RBFOX1: variants seen among roughly 807,000 people sequenced by gnomAD.
RBFOX1 encodes RNA binding protein fox-1 homolog 1.
A neutral mutation model predicts 57.7 loss-of-function variants in RBFOX1; 8 were observed. The observed-to-expected ratio is 0.14, with a 90% CI of 0.08 to 0.25. The LOEUF is 0.25. RBFOX1 is among the 10% of genes least tolerant of loss of function. The pLI is 1.00. For missense variants in RBFOX1, 611 were observed against 548.5 expected (o/e 1.11, Z -1.14); for synonymous variants, 326 against 222.4 (o/e 1.47, Z -4.15).
intron 2 of RBFOX1, among the ~76,000 whole-genome samples, chr16:6,552,046 C>T (rs957917931): frequency 6.6e-6 from 1 of 152,184 alleles, no homozygotes; most frequent in Admixed American, 6.5e-5. Flanking sequence ...AATTTCCATG[C>T]CTCCCACCTT....
At chr16:5,901,720 C>A (rs142519190) in intron 4 of RBFOX1, among the ~76,000 whole-genome samples, 1 of 152,180 alleles carries the variant, frequency 6.6e-6, no homozygotes, top group African/African-American at 2.4e-5. Context: ...GGTTATAGGA[C>A]GTTTTCATCA....
At chr16:5,853,564 T>C (rs2151869284) in intron 3 of RBFOX1, among the ~76,000 whole-genome samples, 1 of 152,298 alleles carries the variant, frequency 6.6e-6, no homozygotes. Flanking sequence ...TTACATGCCT[T>C]TCTTTTTGTC....
At chr16:7,470,018 T>C (rs1407805409) in intron 4 of RBFOX1, among the ~76,000 whole-genome samples, 2 of 49,136 alleles carry the variant, frequency 4.1e-5, no homozygotes, top group Non-Finnish European at 1.1e-4. Flanking sequence ...CATGGGTCAG[T>C]TTTTTTTTTT....
At chr16:5,902,958 C>T (rs1019533030) in intron 4 of RBFOX1, among the ~76,000 whole-genome samples, 2 of 152,116 alleles carry the variant, frequency 1.3e-5, no homozygotes, top group Non-Finnish European at 1.5e-5. Flanking sequence ...TACTACAGTT[C>T]TTATCTCAGG....
At chr16:6,190,161 T>C (rs144811838) in intron 1 of RBFOX1, among the ~76,000 whole-genome samples, 11 of 152,360 alleles carry the variant, frequency 7.2e-5, no homozygotes, top group African/African-American at 2.6e-4. Flanking sequence ...CCTTAGTGCA[T>C]ACTCCTGTGC....
chr16:6,673,949 C>T (rs965636210), intron 3 of RBFOX1, among the ~76,000 whole-genome samples: 7 of 152,130 alleles, frequency 4.6e-5, no homozygotes, highest in African/African-American at 1.2e-4. Context: ...GATCTGCACA[C>T]CTCCAGAACA....
intron 2 of RBFOX1, among the ~76,000 whole-genome samples, chr16:6,508,009 T>C (rs909027798): frequency 6.6e-6 from 1 of 152,132 alleles, no homozygotes; most frequent in Non-Finnish European, 1.5e-5. Context: ...GTGGTACATA[T>C]ACATGATGGA....
intron 3 of RBFOX1, among the ~76,000 whole-genome samples, chr16:5,769,648 C>G (rs943973931): frequency 1.3e-5 from 2 of 151,864 alleles, no homozygotes; most frequent in African/African-American, 4.8e-5. Flanking sequence ...GTGAGACTCC[C>G]TCTCAAAAAA....
intron 1 of RBFOX1, among the ~76,000 whole-genome samples, chr16:5,327,484 C>T (rs532769788): frequency 5.3e-5 from 8 of 152,326 alleles, no homozygotes; most frequent in East Asian, 3.9e-4. Flanking sequence ...CGTGTTCACT[C>T]GTTCAAGTCT....
chr16:5,864,111 G>A (rs1271404959), intron 3 of RBFOX1, among the ~76,000 whole-genome samples: 1 of 152,050 alleles, frequency 6.6e-6, no homozygotes, highest in East Asian at 1.9e-4. Context: ...GTGTCCATGT[G>A]CTCTCATCAT....
intron 2 of RBFOX1, among the ~76,000 whole-genome samples, chr16:6,435,251 G>T (rs1233544244): frequency 6.6e-6 from 1 of 152,092 alleles, no homozygotes; most frequent in East Asian, 1.9e-4. Context: ...CAGATGTTTT[G>T]TGTCATTGCT....
intron 2 of RBFOX1, among the ~76,000 whole-genome samples, chr16:6,587,493 G>A (rs1270855858): frequency 6.6e-6 from 1 of 152,048 alleles, no homozygotes; most frequent in African/African-American, 2.4e-5. Context: ...TGTTGGCCAG[G>A]GTGGTCTTGA....
At position 5,966,089 on chromosome 16, in the gene RBFOX1, G is replaced by A. The variant is rs139814301; in HGVS notation, c.351+98754G>A. Among the ~76,000 whole-genome samples the A allele has an allele frequency of 3.3e-4, 50 of 152,126 alleles. 2 individuals are homozygous for A. In the East Asian group the frequency reaches 9.5e-3, roughly 29 times the overall value. Reference sequence around the variant, plus strand: ...CATAAAATTCCTAACTCTTTTTTCAGATGTACTATATTTTATTGAAGTCTA... The same window carrying A: ...CATAAAATTCCTAACTCTTTTTTCAAATGTACTATATTTTATTGAAGTCTA... On this transcript the variant is annotated intron_variant, in intron 4 of 19. Transcript: ENST00000641259.
At chr16:6,185,396 C>T (rs1024347990) in intron 1 of RBFOX1, among the ~76,000 whole-genome samples, 3 of 152,254 alleles carry the variant, frequency 2.0e-5, no homozygotes, top group African/African-American at 4.8e-5. Context: ...CGTTCAATAC[C>T]GACAATAAGC....
At chr16:5,619,189 T>C (rs1277087779) in intron 3 of RBFOX1, among the ~76,000 whole-genome samples, 1 of 152,200 alleles carries the variant, frequency 6.6e-6, no homozygotes, top group East Asian at 1.9e-4. Context: ...ATGTTCGTTC[T>C]TAAAAAACAG....
At chr16:7,575,201 C>G (rs2093209891) in intron 5 of RBFOX1, among the ~76,000 whole-genome samples, 1 of 152,092 alleles carries the variant, frequency 6.6e-6, no homozygotes, top group Non-Finnish European at 1.5e-5. Context: ...GTGGCACGAT[C>G]TCGGCTCATT....
At chr16:7,562,731 G>T (rs1390156408) in intron 5 of RBFOX1, among the ~76,000 whole-genome samples, 1 of 150,386 alleles carries the variant, frequency 6.6e-6, no homozygotes, top group Non-Finnish European at 1.5e-5. Flanking sequence ...TTCTTCCCCA[G>T]TGGGGGAAGG....
At chr16:5,771,400 GTTTGT>G (rs376158986) in intron 3 of RBFOX1, among the ~76,000 whole-genome samples, 49 of 152,250 alleles carry the variant, frequency 3.2e-4, no homozygotes, top group African/African-American at 1.1e-3. Flanking sequence ...ATTTCATTGT[GTTTGT>G]TTTGTTTTGT....
At chr16:6,501,818 CTG>C (rs1480383621) in intron 2 of RBFOX1, among the ~76,000 whole-genome samples, 1 of 126,592 alleles carries the variant, frequency 7.9e-6, no homozygotes, top group East Asian at 2.6e-4. Context: ...TTTGCTGACA[CTG>C]GGGGGAAATT....
Sources: allele counts gnomAD v4.1 joint callset (sites outside exome capture counted in the v4.1 genomes callset), GRCh38; gene constraint gnomAD v4.1.1; transcripts MANE v1.5; gene names NCBI Gene and HGNC (gene_info 2026-07-23, HGNC 2026-07-21).